ANO10: variants seen among roughly 807,000 people sequenced by gnomAD.
ANO10 encodes anoctamin-10.
ANO10 carries 77 observed loss-of-function variants against 74.7 expected under a neutral mutation model. The ratio of observed to expected loss-of-function variants is 1.03; its 90% CI spans 0.86 to 1.25. The LOEUF (loss-of-function observed/expected upper bound fraction) is 1.25, where lower values mean the gene tolerates loss of function less well. Ranked by LOEUF, ANO10 falls within the 50% of genes most tolerant of loss-of-function variation. The probability of loss-of-function intolerance (pLI) is 0.00; values close to 1 mark genes in which losing one functional copy is unlikely to be tolerated. For missense variants in ANO10, 721 were observed against 778.1 expected (o/e 0.93, Z 0.87); for synonymous variants, 279 against 284.9 (o/e 0.98, Z 0.21).
intron 11 of ANO10, among the ~76,000 whole-genome samples, chr3:43,534,987 T>C (rs1032269460): frequency 6.6e-6 from 1 of 151,994 alleles, no homozygotes; most frequent in Non-Finnish European, 1.5e-5. Context: ...TCTTTTTTTT[T>C]TTTTGAGACA....
chr3:43,555,528 C>T, intron 9 of ANO10, 59 bp from the exon 10 acceptor site: 1 of 1,519,334 alleles, frequency 6.6e-7, no homozygotes, highest in South Asian at 1.2e-5. Flanking sequence ...TATCCTTTTG[C>T]AATACTAATC....
chr3:43,410,880 G>A (rs1453039670), intron 12 of ANO10, among the ~76,000 whole-genome samples: 1 of 151,876 alleles, frequency 6.6e-6, no homozygotes, highest in East Asian at 1.9e-4. Context: ...TTTTCAGATG[G>A]AGAATATGAT....
At chr3:43,486,497 T>C (rs979628252) in intron 11 of ANO10, among the ~76,000 whole-genome samples, 1 of 150,678 alleles carries the variant, frequency 6.6e-6, no homozygotes, top group East Asian at 2.0e-4. Context: ...CAGTGGTTTG[T>C]AGTTCTCCTT....
intron 11 of ANO10, among the ~76,000 whole-genome samples, chr3:43,535,058 T>C (rs2078646536): frequency 6.6e-6 from 1 of 151,544 alleles, no homozygotes; most frequent in South Asian, 2.1e-4. Flanking sequence ...ACTGTAACCT[T>C]CGCCTCCCAG....
At chr3:43,632,907 T>C (rs1300687256) in intron 1 of ANO10, among the ~76,000 whole-genome samples, 1 of 152,152 alleles carries the variant, frequency 6.6e-6, no homozygotes, top group African/African-American at 2.4e-5. Context: ...CAAAGAGCAG[T>C]GGTGGTAAAT....
chr3:43,439,888 GA>G (rs1057065731), intron 11 of ANO10, among the ~76,000 whole-genome samples: 62 of 152,154 alleles, frequency 4.1e-4, no homozygotes, highest in African/African-American at 1.3e-3. Flanking sequence ...TCTCAAAAAA[GA>G]AATAGTTATT....
intron 1 of ANO10, among the ~76,000 whole-genome samples, chr3:43,681,418 G>C (rs2149582147): frequency 6.6e-6 from 1 of 152,250 alleles, no homozygotes; most frequent in Admixed American, 6.5e-5. Flanking sequence ...GGAGCACCCA[G>C]ATTCATAAAG....
At chr3:43,643,841 G>A (rs564211629) in intron 1 of ANO10, among the ~76,000 whole-genome samples, 2 of 151,468 alleles carry the variant, frequency 1.3e-5, no homozygotes, top group South Asian at 2.1e-4. Context: ...CCGCCACCAC[G>A]CCCAGCTAAT....
chr3:43,580,142 CAAAA>C (rs546649985), intron 5 of ANO10, among the ~76,000 whole-genome samples: 2 of 72,518 alleles, frequency 2.8e-5, no homozygotes, highest in Admixed American at 1.6e-4. Context: ...GACCCTATCT[CAAAA>C]AAAAAAAAAA....
chr3:43,449,515 C>CTTTT (rs61265406), intron 11 of ANO10, among the ~76,000 whole-genome samples: 222 of 107,096 alleles, frequency 2.1e-3, no homozygotes, highest in East Asian at 5.1e-3. Flanking sequence ...TATCTAGATT[C>CTTTT]TTTTTTTTTT....
At chr3:43,383,735 T>C (rs2125701710) in intron 12 of ANO10, among the ~76,000 whole-genome samples, 1 of 152,268 alleles carries the variant, frequency 6.6e-6, no homozygotes, top group East Asian at 1.9e-4. Flanking sequence ...GTCACTTTAT[T>C]ATTAAAACCC....
intron 1 of ANO10, among the ~76,000 whole-genome samples, chr3:43,669,459 C>T (rs1323283447): frequency 2.0e-5 from 3 of 152,066 alleles, no homozygotes; most frequent in Non-Finnish European, 2.9e-5. Flanking sequence ...TTGTCAATTA[C>T]AGTTCAGGTT....
chr3:43,487,595 G>A (rs1559603202), intron 11 of ANO10, among the ~76,000 whole-genome samples: 3 of 152,074 alleles, frequency 2.0e-5, no homozygotes. Flanking sequence ...TTTGCGTAGA[G>A]GTGTTTGTAG....
intron 11 of ANO10, among the ~76,000 whole-genome samples, chr3:43,537,198 G>GT (rs2078750084): frequency 6.6e-6 from 1 of 152,154 alleles, no homozygotes; most frequent in Admixed American, 6.5e-5. Flanking sequence ...CACTCAGTGG[G>GT]TAAGAGGCTT....
intron 11 of ANO10, among the ~76,000 whole-genome samples, chr3:43,496,609 T>C (rs940834762): frequency 1.3e-5 from 2 of 151,976 alleles, no homozygotes; most frequent in South Asian, 4.1e-4. Flanking sequence ...AATTTACATA[T>C]ATATATTTTT....
rs115940043 is a variant in ANO10 at position 43,427,557 on chromosome 3, A to T, written c.1914+5054T>A. ...TCCATAAGTAATAATTTCTACTGATAAGCTTACTATCAATATCTGGTCACT... is the reference window on the plus strand; with the variant it reads ...TCCATAAGTAATAATTTCTACTGATTAGCTTACTATCAATATCTGGTCACT... On this transcript the variant is annotated intron_variant, in intron 12 of 12. Transcript: ENST00000292246. 4.4e-3 allele frequency among the ~76,000 whole-genome samples: 674 copies of T among 152,312 alleles called. 5 individuals are homozygous for T. The highest frequency in any genetic ancestry group is 0.015 in the African/African-American group (643 of 41,554).
chr3:43,504,557 T>C (rs1288989366), intron 11 of ANO10, among the ~76,000 whole-genome samples: 2 of 150,822 alleles, frequency 1.3e-5, no homozygotes, highest in East Asian at 3.9e-4. Context: ...AGAGAGTTAC[T>C]GTTCATAAAA....
chr3:43,556,847 G>A (rs187517506), intron 9 of ANO10, among the ~76,000 whole-genome samples: 1 of 152,168 alleles, frequency 6.6e-6, no homozygotes, highest in East Asian at 1.9e-4. Context: ...AAATTGTATT[G>A]AACATACCAG....
chr3:43,508,235 G>A (rs1385394746), intron 11 of ANO10, among the ~76,000 whole-genome samples: 1 of 152,168 alleles, frequency 6.6e-6, no homozygotes, highest in African/African-American at 2.4e-5. Context: ...CAAAGCTTAT[G>A]TGAAGCTACA....
Sources: allele counts gnomAD v4.1 joint callset (sites outside exome capture counted in the v4.1 genomes callset), GRCh38; gene constraint gnomAD v4.1.1; transcripts MANE v1.5; gene names NCBI Gene and HGNC (gene_info 2026-07-23, HGNC 2026-07-21).